Variants in ANK3 observed in about 807,000 individuals in gnomAD.
ANK3 encodes the protein ankyrin 3.
A neutral mutation model predicts 370.9 loss-of-function variants in ANK3; 57 were observed. That is an observed-to-expected ratio of 0.15 (90% CI 0.12 to 0.19). The LOEUF (loss-of-function observed/expected upper bound fraction) is 0.19, where lower values mean the gene tolerates loss of function less well. Among genes scored for constraint, ANK3 ranks in the 10% least tolerant of loss-of-function variants. The pLI, the probability that ANK3 is intolerant of heterozygous loss-of-function variation, is 1.00. For synonymous variants in ANK3, 1,929 were observed against 1,946.3 expected, an observed-to-expected ratio of 0.99 and a Z score of 0.23; for missense variants, 4,439 against 5,302.1, an observed-to-expected ratio of 0.84 and a Z score of 5.06.
rs139223750 is a variant in ANK3 at position 60,206,934 on chromosome 10, T to G, written c.1195-1044A>C. Among the ~76,000 whole-genome samples, 1,254 of 152,294 alleles carry G rather than the reference T, an allele frequency of 8.2e-3. 11 individuals are homozygous for G. Among genetic ancestry groups the G allele is most frequent in the Middle Eastern group, 0.014 (4 of 292 alleles). ...TGGCCACAGTCCATCCCAGGATGAC[T>G]GGCTACAACCTCCATATGTTGTGAA... On this transcript the variant is annotated intron_variant, in intron 10 of 43. Coordinates refer to ENST00000280772, the MANE Select transcript of ANK3 (RefSeq NM_020987.5).
intron 25 of ANK3, among the ~76,000 whole-genome samples, chr10:60,121,167 A>G (rs2093441711): frequency 6.6e-6 from 1 of 152,194 alleles, no homozygotes; most frequent in African/African-American, 2.4e-5. Flanking sequence ...GTCATTTGCA[A>G]CAACATGGAT....
At chr10:60,548,693 G>A (rs1482963536) in intron 2 of ANK3, among the ~76,000 whole-genome samples, 5 of 151,908 alleles carry the variant, frequency 3.3e-5, no homozygotes, top group Non-Finnish European at 7.4e-5. Flanking sequence ...TCATTCTAAT[G>A]CATAACTAAT....
chr10:60,371,651 A>AATTCTCCAGTCAAGG (rs1566900614), intron 1 of ANK3, among the ~76,000 whole-genome samples: 1 of 152,174 alleles, frequency 6.6e-6, no homozygotes, highest in Non-Finnish European at 1.5e-5. Flanking sequence ...TCCAGTCAAG[A>AATTCTCCAGTCAAGG]TAATTCTACA....
intron 1 of ANK3, among the ~76,000 whole-genome samples, chr10:60,298,948 C>T (rs919555589): frequency 1.3e-5 from 2 of 152,126 alleles, no homozygotes; most frequent in African/African-American, 4.8e-5. Context: ...GAACAGAATA[C>T]ACATCAAAAT....
In ANK3 at chr10:60,071,517, A is replaced by G. The variant is rs766724028; in HGVS notation, c.9364T>C (p.Cys3122Arg). The change falls in exon 37 of 44, where the codon TGT becomes CGT. Residue 3122 changes from cysteine to arginine, a missense_variant. Cys to Arg is a radical substitution (Grantham distance 180). Transcript: ENST00000280772. ...CCCCTGGTTTCTTGTACTGTCTTACATTCCTGACTTATGATTTTTTTTACA... is the reference window on the plus strand; with the variant it reads ...CCCCTGGTTTCTTGTACTGTCTTACGTTCCTGACTTATGATTTTTTTTACA... ...GGVKKIISQECKTVQETRGTF... is the reference protein window; with the variant it reads ...GGVKKIISQERKTVQETRGTF... The G allele has an allele frequency of 2.5e-6, 4 of 1,614,082 alleles. No homozygotes were observed. The highest frequency in any genetic ancestry group is 3.4e-6 in the Non-Finnish European group (4 of 1,179,984).
intron 1 of ANK3, among the ~76,000 whole-genome samples, chr10:60,355,134 T>G (rs963814684): frequency 6.6e-6 from 1 of 152,026 alleles, no homozygotes; most frequent in Non-Finnish European, 1.5e-5. Context: ...TAATCCCGGG[T>G]ATTGAGGCTA....
chr10:60,459,987 G>A (rs1010826399), intron 2 of ANK3, among the ~76,000 whole-genome samples: 37 of 152,128 alleles, frequency 2.4e-4, no homozygotes, highest in African/African-American at 8.9e-4. Context: ...GCCTGAGAAA[G>A]CTGGAACAGC....
Position 60,700,349 on chromosome 10 carries a change from T to A in ANK3, c.57+32914A>T, listed in dbSNP as rs147942274. ...GTTCACATAATTTAAAATGCCTAAA[T>A]CTTAAATAAGTAATATAAAACACAC... On this transcript the variant is annotated intron_variant, in intron 1 of 43. Coordinates refer to the ANK3 transcript ENST00000373827. Among the ~76,000 whole-genome samples the A allele has an allele frequency of 1.3e-4, 20 of 152,246 alleles. No homozygotes were observed. The East Asian group carries it at 3.5e-3, about 26-fold the overall frequency.
intron 2 of ANK3, among the ~76,000 whole-genome samples, chr10:60,529,614 C>T (rs923295894): frequency 6.6e-6 from 1 of 152,128 alleles, no homozygotes; most frequent in African/African-American, 2.4e-5. Context: ...TTTATTTATT[C>T]ACATGCTCTG....
intron 1 of ANK3, among the ~76,000 whole-genome samples, chr10:60,721,850 A>T (rs7088028): frequency 0.018 from 2,707 of 152,254 alleles, 74 homozygotes; most frequent in African/African-American, 0.061. Context: ...TTTAATTGAC[A>T]CCTTCATCAT....
chr10:60,615,597 T>A (rs540397371), intron 1 of ANK3, among the ~76,000 whole-genome samples: 1 of 152,258 alleles, frequency 6.6e-6, no homozygotes, highest in Non-Finnish European at 1.5e-5. Flanking sequence ...AATTTAAAAT[T>A]TTTTTCCTCC....
At chr10:60,650,781 G>T (rs1354217628) in intron 1 of ANK3, among the ~76,000 whole-genome samples, 1 of 152,152 alleles carries the variant, frequency 6.6e-6, no homozygotes, top group African/African-American at 2.4e-5. Flanking sequence ...GTCATGAAAG[G>T]TCAAAAATAT....
chr10:60,106,367 G>A (rs955571932), intron 27 of ANK3, among the ~76,000 whole-genome samples: 4 of 152,014 alleles, frequency 2.6e-5, no homozygotes, highest in Admixed American at 2.6e-4. Flanking sequence ...TATTAAAGTA[G>A]ACCATAAGAA....
chr10:60,230,196 G>A (rs2097218602), intron 8 of ANK3, among the ~76,000 whole-genome samples: 1 of 152,268 alleles, frequency 6.6e-6, no homozygotes, highest in East Asian at 1.9e-4. Context: ...TTGATGCAGA[G>A]CAAACTAAAA....
intron 2 of ANK3, among the ~76,000 whole-genome samples, chr10:60,587,726 G>A (rs2077852332): frequency 6.6e-6 from 1 of 152,092 alleles, no homozygotes; most frequent in Non-Finnish European, 1.5e-5. Context: ...TACCTTTAGA[G>A]GATACCTCAG....
intron 7 of ANK3, among the ~76,000 whole-genome samples, chr10:60,249,006 G>T (rs931797781): frequency 2.0e-5 from 3 of 152,088 alleles, no homozygotes; most frequent in African/African-American, 4.8e-5. Flanking sequence ...CTAAAAGAGT[G>T]GCTAGTTCAA....
At chr10:60,037,837 C>T (rs929783899) in intron 43 of ANK3, among the ~76,000 whole-genome samples, 4 of 152,158 alleles carry the variant, frequency 2.6e-5, no homozygotes, top group African/African-American at 4.8e-5. Flanking sequence ...GTTGAACGGT[C>T]GTTCTGTTTT....
intron 16 of ANK3, among the ~76,000 whole-genome samples, chr10:60,189,110 A>G (rs2096414581): frequency 2.0e-5 from 3 of 152,168 alleles, no homozygotes; most frequent in African/African-American, 4.8e-5. Flanking sequence ...CAACCCCCTA[A>G]CAAGGTAAGG....
chr10:60,472,110 C>G (rs567348543), intron 2 of ANK3, among the ~76,000 whole-genome samples: 1 of 152,058 alleles, frequency 6.6e-6, no homozygotes, highest in South Asian at 2.1e-4. Flanking sequence ...AAGCTTATGA[C>G]AAATGTCAAG....
Sources: allele counts gnomAD v4.1 joint callset (sites outside exome capture counted in the v4.1 genomes callset), GRCh38; gene constraint gnomAD v4.1.1; transcripts MANE v1.5; gene names NCBI Gene and HGNC (gene_info 2026-07-23, HGNC 2026-07-21).